The following PRKN variants were observed in gnomAD, a reference collection of about 807,000 sequenced individuals.
PRKN encodes the protein E3 ubiquitin-protein ligase parkin.
Under a neutral mutation model 59.5 loss-of-function variants are expected in PRKN, and 56 were observed. The ratio of observed to expected loss-of-function variants is 0.94; its 90% CI spans 0.76 to 1.18. PRKN has a LOEUF of 1.18. Among genes scored for constraint, PRKN ranks in the 50% most tolerant of loss-of-function variants. PRKN has a pLI of 0.00. For synonymous variants in PRKN, 250 were observed against 222.1 expected, an observed-to-expected ratio of 1.13 and a Z score of -1.12; for missense variants, 657 against 596.4, an observed-to-expected ratio of 1.10 and a Z score of -1.06.
intron 9 of PRKN, among the ~76,000 whole-genome samples, chr6:161,477,250 G>T (rs187014179): frequency 3.2e-4 from 48 of 152,332 alleles, no homozygotes; most frequent in Non-Finnish European, 2.9e-5. Context: ...AGGCGCGGTG[G>T]CTCACGCCTG....
At chr6:161,580,621 C>T (rs538380398) in intron 7 of PRKN, among the ~76,000 whole-genome samples, 95 of 151,324 alleles carry the variant, frequency 6.3e-4, no homozygotes, top group Non-Finnish European at 1.1e-3. Context: ...GGACTACAGG[C>T]GCCCTCCACC....
intron 1 of PRKN, among the ~76,000 whole-genome samples, chr6:162,475,564 T>TGTGAGTGTGTGTGTGC (rs1562314630): frequency 1.3e-4 from 19 of 147,860 alleles, no homozygotes; most frequent in Admixed American, 4.6e-4. Context: ...TGTGTATGCA[T>TGTGAGTGTGTGTGTGC]GTGAGTGTGT....
chr6:162,708,532 C>T (rs2128238127), intron 1 of PRKN, among the ~76,000 whole-genome samples: 1 of 152,320 alleles, frequency 6.6e-6, no homozygotes, highest in South Asian at 2.1e-4. Context: ...TTTCATGACA[C>T]TGATTCTTAA....
chr6:161,857,426 C>A (rs1037586833), intron 6 of PRKN, among the ~76,000 whole-genome samples: 1 of 152,158 alleles, frequency 6.6e-6, no homozygotes, highest in African/African-American at 2.4e-5. Context: ...TTTGCTGACA[C>A]CTGGCTTAGA....
At chr6:162,276,268 G>A (rs941553247) in intron 2 of PRKN, among the ~76,000 whole-genome samples, 3 of 152,056 alleles carry the variant, frequency 2.0e-5, no homozygotes, top group Non-Finnish European at 4.4e-5. Flanking sequence ...GAAATGATTA[G>A]ATGTCACATA....
chr6:162,405,291 C>A (rs895303943), intron 2 of PRKN, among the ~76,000 whole-genome samples: 1 of 152,112 alleles, frequency 6.6e-6, no homozygotes, highest in Non-Finnish European at 1.5e-5. Flanking sequence ...AACAACTTCC[C>A]GAAAACATGC....
chr6:162,694,236 CAA>C (rs149337714), intron 1 of PRKN, among the ~76,000 whole-genome samples: 60 of 93,508 alleles, frequency 6.4e-4, no homozygotes, highest in South Asian at 1.3e-3. Flanking sequence ...AACAGTGAGA[CAA>C]AAAAAAAAAA....
chr6:162,714,332 G>A (rs939571485), intron 1 of PRKN, among the ~76,000 whole-genome samples: 1 of 152,192 alleles, frequency 6.6e-6, no homozygotes, highest in Non-Finnish European at 1.5e-5. Flanking sequence ...GCGTCACGGG[G>A]CCTTTGTCTA....
chr6:161,902,552 A>ATCTATCTATCTATT (rs1343265664), intron 6 of PRKN, among the ~76,000 whole-genome samples: 4 of 121,048 alleles, frequency 3.3e-5, no homozygotes, highest in African/African-American at 1.3e-4. Context: ...CTATCTATTT[A>ATCTATCTATCTATT]TTTATTTATT....
chr6:161,598,342 C>A (rs1320467886), intron 7 of PRKN, among the ~76,000 whole-genome samples: 1 of 152,054 alleles, frequency 6.6e-6, no homozygotes, highest in East Asian at 1.9e-4. Flanking sequence ...GAGAAACATT[C>A]AATTGTATGA....
At chr6:161,643,229 G>A (rs1298612573) in intron 7 of PRKN, among the ~76,000 whole-genome samples, 1 of 152,030 alleles carries the variant, frequency 6.6e-6, no homozygotes, top group Non-Finnish European at 1.5e-5. Flanking sequence ...ATTAAATTAA[G>A]AAATCCATAT....
intron 5 of PRKN, among the ~76,000 whole-genome samples, chr6:161,984,147 G>A (rs1015501751): frequency 2.6e-5 from 4 of 152,124 alleles, no homozygotes; most frequent in African/African-American, 9.7e-5. Flanking sequence ...TGAGAACCAA[G>A]CCGGTGCTCA....
intron 1 of PRKN, among the ~76,000 whole-genome samples, chr6:162,471,496 C>T (rs1791744744): frequency 6.6e-6 from 1 of 152,170 alleles, no homozygotes; most frequent in African/African-American, 2.4e-5. Flanking sequence ...ATATGTTCTC[C>T]TTTCCTTTCT....
intron 4 of PRKN, among the ~76,000 whole-genome samples, chr6:162,119,251 C>A (rs1205282793): frequency 6.6e-6 from 1 of 152,134 alleles, no homozygotes; most frequent in Non-Finnish European, 1.5e-5. Context: ...GCTCGGTAAT[C>A]CTGCAATTGG....
chr6:162,534,979 G>C (rs1444605275), intron 1 of PRKN, among the ~76,000 whole-genome samples: 2 of 151,526 alleles, frequency 1.3e-5, no homozygotes, highest in South Asian at 2.1e-4. Flanking sequence ...TCCTTCCCCA[G>C]TTCTCTTCCT....
rs908857495 is a variant in PRKN, at chr6:161,526,126, T to C, written c.1083+22728A>G. Among the ~76,000 whole-genome samples, 3 of 150,812 alleles carry C rather than the reference T, an allele frequency of 2.0e-5. No homozygotes were observed. The highest frequency in any genetic ancestry group is 4.4e-5 in the Non-Finnish European group (3 of 67,636). The stretch of plus-strand genomic sequence containing the variant: ...TAAACCAGCTCTTTTCCAACCTTCC[T>C]AAAAAAAAAGGTCAGTCCCATAAAT... On this transcript the variant is annotated intron_variant, in intron 9 of 11. Transcript: ENST00000366898. This position sits in a 1 kb window ranked among gnomAD's most constrained non-coding sequence, Gnocchi z 4.1.
intron 4 of PRKN, among the ~76,000 whole-genome samples, chr6:162,105,884 A>G (rs1780172893): frequency 1.3e-5 from 2 of 152,226 alleles, no homozygotes; most frequent in Admixed American, 6.5e-5. Context: ...GAGGTTTGGA[A>G]CATTATTAAT....
intron 1 of PRKN, among the ~76,000 whole-genome samples, chr6:162,548,891 C>T (rs999618251): frequency 3.3e-5 from 5 of 152,128 alleles, no homozygotes; most frequent in Non-Finnish European, 5.9e-5. Context: ...GCTCACTCCC[C>T]TTATCTTCCT....
rs578175602 is a variant in PRKN at position 162,548,021 on chromosome 6, A to G, written c.8-104548T>C. On this transcript the variant is annotated intron_variant, in intron 1 of 11. Transcript: ENST00000366898. ...AGACACCATTAACCTCCCTCCTGAC[A>G]CTGGAAGGTGGCCCCTACTTCCTCT... Among the ~76,000 whole-genome samples, 254 of 151,830 alleles carry G rather than the reference A, an allele frequency of 1.7e-3. 2 individuals carry two copies. Among genetic ancestry groups the G allele is most frequent in the Non-Finnish European group, 2.3e-3 (156 of 67,906 alleles).
Sources: gnomAD v4.1 joint callset for allele counts (sites outside exome capture counted in the v4.1 genomes callset) on GRCh38, gnomAD v4.1.1 for gene constraint, Gnocchi (gnomAD v3.1) non-coding constraint, MANE v1.5 for transcripts, NCBI Gene and HGNC (gene_info 2026-07-23, HGNC 2026-07-21) for gene names.